The following LARGE1 variants were observed in gnomAD, a reference collection of about 807,000 sequenced individuals.
LARGE1 encodes LARGE xylosyl- and glucuronyltransferase 1.
A neutral mutation model predicts 87.6 loss-of-function variants in LARGE1; 43 were observed. The observed-to-expected ratio is 0.49, with a 90% CI of 0.38 to 0.63. LARGE1 has a LOEUF of 0.63. Among genes scored for constraint, LARGE1 ranks in the 30% least tolerant of loss-of-function variants. The pLI is 0.00. For missense variants in LARGE1, 802 were observed against 1,000.2 expected, an observed-to-expected ratio of 0.80 and a Z score of 2.67; for synonymous variants, 434 against 394.6, an observed-to-expected ratio of 1.10 and a Z score of -1.18.
intron 1 of LARGE1, among the ~76,000 whole-genome samples, chr22:33,815,235 A>G (rs1388748721): frequency 1.3e-5 from 2 of 152,190 alleles, no homozygotes; most frequent in Non-Finnish European, 2.9e-5. Flanking sequence ...AGACCAAAGG[A>G]GAACTGAAGA....
chr22:33,145,483 T>C, the LARGE1 span, among the ~76,000 whole-genome samples: 4 of 152,206 alleles, frequency 2.6e-5, no homozygotes, highest in Non-Finnish European at 4.4e-5. Flanking sequence ...TCATGAGGAA[T>C]GGTATCCAGG....
chr22:33,715,073 T>C (rs546761062), intron 2 of LARGE1, among the ~76,000 whole-genome samples: 1 of 152,342 alleles, frequency 6.6e-6, no homozygotes, highest in East Asian at 1.9e-4. Flanking sequence ...TTTGGGCTCC[T>C]ACCTTTGCAT....
chr22:33,660,090 GTTTT>G (rs35643369), intron 2 of LARGE1, among the ~76,000 whole-genome samples: 20 of 125,408 alleles, frequency 1.6e-4, no homozygotes, highest in South Asian at 2.8e-4. Flanking sequence ...GTGTGTGTGT[GTTTT>G]TTTTTTTTTT....
At chr22:33,800,526 A>T (rs549670152) in intron 1 of LARGE1, among the ~76,000 whole-genome samples, 29 of 152,294 alleles carry the variant, frequency 1.9e-4, no homozygotes, top group African/African-American at 6.5e-4. Context: ...CATCCTGAAG[A>T]AACTCCATTA....
At chr22:33,673,008 C>A (rs1010058333) in intron 2 of LARGE1, among the ~76,000 whole-genome samples, 1 of 152,124 alleles carries the variant, frequency 6.6e-6, no homozygotes, top group Non-Finnish European at 1.5e-5. Context: ...GGTGTAGTGG[C>A]TCACACTTGT....
chr22:33,125,052 A>C, the LARGE1 span, among the ~76,000 whole-genome samples: 1 of 152,336 alleles, frequency 6.6e-6, no homozygotes, highest in South Asian at 2.1e-4. Flanking sequence ...AATAGCTAGA[A>C]AATGGGTGAT....
In LARGE1 at chr22:33,273,941, G is replaced by A. The variant is rs1928635127; in HGVS notation, c.*486C>T. On this transcript the variant is annotated 3_prime_UTR_variant, in exon 15 of 15. Coordinates refer to ENST00000397394, the MANE Select transcript of LARGE1 (RefSeq NM_133642.5). ...GGTTTAGATCATCGGTTTGCCCTCC[G>A]TTTGAATGCCCAGCTACATTGCAGG... 5 of 342,966 alleles carry A rather than the reference G, an allele frequency of 1.5e-5. No individual in the cohort carries two copies. The highest frequency in any genetic ancestry group is 2.1e-5 in the African/African-American group (1 of 47,520). 21.2% of individuals were successfully genotyped at this position (342,966 alleles called of 1,614,324 possible). A position where few individuals can be genotyped will look rare whatever the true frequency, so the allele number is the denominator to read the frequency against.
chr22:33,805,401 C>T (rs2086276063), intron 1 of LARGE1, among the ~76,000 whole-genome samples: 1 of 152,082 alleles, frequency 6.6e-6, no homozygotes, highest in African/African-American at 2.4e-5. Context: ...TTTCCTCTGC[C>T]CCAACCACTC....
intron 3 of LARGE1, among the ~76,000 whole-genome samples, chr22:33,647,405 CT>C (rs987713815): frequency 6.6e-6 from 1 of 152,190 alleles, no homozygotes; most frequent in African/African-American, 2.4e-5. Context: ...AAGATACGTT[CT>C]TTAAGGAAAG....
chr22:33,669,508 T>G (rs1161455265), intron 2 of LARGE1, among the ~76,000 whole-genome samples: 14 of 152,186 alleles, frequency 9.2e-5, no homozygotes, highest in Middle Eastern at 3.2e-3. Context: ...TGAGTTCTTT[T>G]GGTCTGGAGG....
intron 6 of LARGE1, among the ~76,000 whole-genome samples, chr22:33,458,426 A>ATTTTTTAT (rs918487559): frequency 6.0e-5 from 9 of 149,392 alleles, no homozygotes; most frequent in Middle Eastern, 3.7e-3. Flanking sequence ...TTTTACTGTT[A>ATTTTTTAT]TTTTTTATTT....
intron 9 of LARGE1, among the ~76,000 whole-genome samples, chr22:33,368,533 C>CAA (rs34999879): frequency 2.7e-3 from 315 of 114,958 alleles, no homozygotes; most frequent in East Asian, 0.011. Flanking sequence ...GACTCTTTCT[C>CAA]AAAAAAAAAA....
rs557584657 is a variant in LARGE1 at position 33,483,289 on chromosome 22, T to TA, written c.788-51025dup. ...CGGGCTTTCATCCAGCTCTCTCTCT[T>TA]AGAGAGGAAGGTATTTTTACTTCCA... is the stretch of plus-strand genomic sequence containing the variant. On this transcript the variant is annotated intron_variant, in intron 6 of 14. Transcript: ENST00000397394. Among the ~76,000 whole-genome samples the TA allele has an allele frequency of 3.0e-3, 453 of 152,182 alleles. 3 individuals carry two copies. Among genetic ancestry groups the TA allele is most frequent in the South Asian group, 0.021 (99 of 4,804 alleles).
rs201191308 is a variant in LARGE1 at position 33,561,982 on chromosome 22, G to C, written c.787+2866C>G. On this transcript the variant is annotated intron_variant, in intron 6 of 14. Transcript: ENST00000397394. ...CTGACCAAGAGCCACTGCAGCCCCA[G>C]ACAACCAGCTGTTCTCAAAAAGTGA... Among the ~76,000 whole-genome samples, 10 of 152,310 alleles carry C rather than the reference G, an allele frequency of 6.6e-5. No individual in the cohort carries two copies. In the East Asian group the frequency reaches 1.7e-3, roughly 26 times the overall value.
chr22:33,921,868 G>T (rs907192231), upstream of LARGE1, among the ~76,000 whole-genome samples: 1 of 152,054 alleles, frequency 6.6e-6, no homozygotes, highest in Non-Finnish European at 1.5e-5. The surrounding 1 kb of genome is among the most constrained non-coding windows in gnomAD (Gnocchi z 4.1). Flanking sequence ...CACAGGAGCG[G>T]GGGTGTGAGA....
At chr22:33,250,310 A>G (rs1926954917) in intron 11 of LARGE1, among the ~76,000 whole-genome samples, 2 of 152,188 alleles carry the variant, frequency 1.3e-5, no homozygotes, top group Non-Finnish European at 2.9e-5. Flanking sequence ...TTTTAATTTA[A>G]AATCCCACTT....
At chr22:33,746,001 G>A (rs1385210037) in intron 2 of LARGE1, among the ~76,000 whole-genome samples, 1 of 152,178 alleles carries the variant, frequency 6.6e-6, no homozygotes, top group Admixed American at 6.5e-5. Flanking sequence ...CACAAGGCAT[G>A]CCTGCCTGGG....
At chr22:33,497,071 C>CTTTTTTTTTTTTTTTTTTTTTTT (rs5845088) in intron 6 of LARGE1, among the ~76,000 whole-genome samples, 1 of 133,960 alleles carries the variant, frequency 7.5e-6, no homozygotes, top group Non-Finnish European at 1.6e-5. Flanking sequence ...CTTTTCTTTT[C>CTTTTTTTTTTTTTTTTTTTTTTT]TTTTTTTTTT....
intron 1 of LARGE1, among the ~76,000 whole-genome samples, chr22:33,798,839 G>A (rs949795491): frequency 2.6e-5 from 4 of 152,182 alleles, no homozygotes; most frequent in African/African-American, 4.8e-5. Flanking sequence ...AATCCTCCAG[G>A]AGGGCTTTCC....
Sources: allele counts gnomAD v4.1 joint callset (sites outside exome capture counted in the v4.1 genomes callset), GRCh38; gene constraint gnomAD v4.1.1; non-coding constraint Gnocchi (gnomAD v3.1); transcripts MANE v1.5; gene names NCBI Gene and HGNC (gene_info 2026-07-23, HGNC 2026-07-21).